RNF130: variants seen among roughly 807,000 people sequenced by gnomAD.
The protein encoded by RNF130 is E3 ubiquitin-protein ligase RNF130.
In RNF130, 21 loss-of-function variants were observed where a neutral mutation model predicts 44.6. The observed-to-expected ratio is 0.47, with a 90% CI of 0.33 to 0.68. The LOEUF (loss-of-function observed/expected upper bound fraction) is 0.68, where lower values mean the gene tolerates loss of function less well. RNF130 is among the 30% of genes least tolerant of loss of function. The probability of loss-of-function intolerance (pLI) is 0.02; values close to 1 mark genes in which losing one functional copy is unlikely to be tolerated. For synonymous variants in RNF130, 214 were observed against 210.4 expected (o/e 1.02, Z -0.15); for missense variants, 479 against 560.6 (o/e 0.85, Z 1.47).
At chr5:179,934,122 A>G in intron 7 of RNF130, 1 of 248,980 alleles carries the variant, frequency 4.0e-6, no homozygotes, top group Non-Finnish European at 7.9e-6. Flanking sequence ...GCCTAATAAG[A>G]ACCTGGTGTT....
chr5:179,992,402 A>G (rs1169122046), intron 3 of RNF130, among the ~76,000 whole-genome samples: 1 of 152,196 alleles, frequency 6.6e-6, no homozygotes, highest in African/African-American at 2.4e-5. Context: ...TCATCCTCCC[A>G]AAGTGCTGGG....
intron 5 of RNF130, among the ~76,000 whole-genome samples, chr5:179,973,451 G>A (rs180895033): frequency 6.6e-5 from 10 of 152,292 alleles, no homozygotes; most frequent in East Asian, 1.9e-4. Context: ...TCTGGTGCTC[G>A]GCAAACCACC....
In RNF130 at chr5:179,978,148, A is replaced by G. The variant is rs1762758194; in HGVS notation, c.848+55T>C. 8 of 1,416,060 alleles carry G rather than the reference A, an allele frequency of 5.6e-6. No homozygotes were observed. The East Asian group carries it at 1.8e-4, about 32-fold the overall frequency. The allele number at this position is 1,416,060 out of a possible 1,614,324, so 87.7% of individuals were successfully genotyped here. On this transcript the variant is annotated intron_variant, in intron 5 of 8. Transcript: ENST00000521389. ...AAGGGAGATGCCCACCCTGAAAAGG[A>G]GGCATACAAAGCACATTAATATCAT...
intron 3 of RNF130, among the ~76,000 whole-genome samples, chr5:179,987,732 T>A (rs1314085625): frequency 6.6e-6 from 1 of 152,274 alleles, no homozygotes; most frequent in African/African-American, 2.4e-5. Flanking sequence ...ATCTGGTATT[T>A]GTTGTTCCTT....
intron 1 of RNF130, among the ~76,000 whole-genome samples, chr5:180,067,609 T>C (rs1390489204): frequency 1.3e-5 from 2 of 152,234 alleles, no homozygotes; most frequent in Non-Finnish European, 2.9e-5. Flanking sequence ...TAAAAACATG[T>C]CATAAGCTGT....
chr5:180,044,276 G>A (rs1302406711), intron 1 of RNF130, among the ~76,000 whole-genome samples: 1 of 152,030 alleles, frequency 6.6e-6, no homozygotes, highest in East Asian at 1.9e-4. Context: ...ATAGAGCCAG[G>A]AAAAACTTAC....
chr5:180,059,183 A>G (rs1487815449), intron 1 of RNF130, among the ~76,000 whole-genome samples: 4 of 152,106 alleles, frequency 2.6e-5, no homozygotes, highest in African/African-American at 9.7e-5. Context: ...GTCTTCGTGT[A>G]TATTTCCTTG....
chr5:180,001,737 G>C (rs1434429218), intron 3 of RNF130, among the ~76,000 whole-genome samples: 1 of 152,206 alleles, frequency 6.6e-6, no homozygotes, highest in Non-Finnish European at 1.5e-5. Context: ...AAGTATCCTA[G>C]CTTAGGGGAG....
intron 7 of RNF130, among the ~76,000 whole-genome samples, chr5:179,935,599 C>T (rs1404512131): frequency 3.3e-5 from 5 of 151,898 alleles, no homozygotes; most frequent in African/African-American, 1.2e-4. Flanking sequence ...CATGTTGGGA[C>T]TTAAATCCAT....
At chr5:179,934,723 T>A (rs1761864789) in intron 7 of RNF130, among the ~76,000 whole-genome samples, 1 of 152,078 alleles carries the variant, frequency 6.6e-6, no homozygotes, top group East Asian at 1.9e-4. Flanking sequence ...ATTTTTATTC[T>A]TGTAGAGATT....
intron 3 of RNF130, among the ~76,000 whole-genome samples, chr5:179,997,800 A>G (rs920306988): frequency 4.0e-5 from 6 of 150,588 alleles, no homozygotes; most frequent in Admixed American, 4.0e-4. Flanking sequence ...CCTGATTTGA[A>G]CTTCATTATT....
In RNF130 at chr5:179,966,948, A is replaced by T. The variant is rs1025564814; in HGVS notation, c.1008T>A (p.Ala336=). 6.2e-7 allele frequency: 1 copy of T among 1,614,124 alleles called. No individual in the cohort carries two copies. The highest frequency in any genetic ancestry group is 1.3e-5 in the African/African-American group (1 of 74,944). The change falls in exon 7 of 9, where the codon GCT becomes GCA. Residue 336 remains alanine, a synonymous_variant. Transcript: ENST00000521389. ...FDMERLTRTQ[A]VNRRSALGDL... is the part of the protein sequence containing the mutation. ...CGCCGAGGGCTGATCTTCGGTTAAC[A>T]GCTTGGGTTCTGGTGAGCCTTTCCA...
At chr5:180,018,203 A>G (rs150632308) in intron 2 of RNF130, among the ~76,000 whole-genome samples, 126 of 152,012 alleles carry the variant, frequency 8.3e-4, no homozygotes, top group African/African-American at 3.0e-3. Context: ...GCTGAGGCAG[A>G]AGAATTGCTT....
At chr5:180,071,413 G>A (rs952334956) in intron 1 of RNF130, 43 bp downstream of exon 1, 1 of 1,230,640 alleles carries the variant, frequency 8.1e-7, no homozygotes, top group African/African-American at 1.6e-5. Flanking sequence ...CGCCTACGCG[G>A]GATGCAGCGA....
chr5:179,933,573 G>C (rs576564425), intron 7 of RNF130, among the ~76,000 whole-genome samples: 1 of 150,206 alleles, frequency 6.7e-6, no homozygotes, highest in Non-Finnish European at 1.5e-5. Flanking sequence ...CCAGGCTGGA[G>C]TGCAGTGGTG....
At chr5:180,064,303 T>C (rs1047932781) in intron 1 of RNF130, among the ~76,000 whole-genome samples, 2 of 152,160 alleles carry the variant, frequency 1.3e-5, no homozygotes, top group African/African-American at 4.8e-5. Flanking sequence ...AGGGAGCAGA[T>C]TCATTTGCAG....
At chr5:180,003,356 C>A (rs1286407502) in intron 3 of RNF130, among the ~76,000 whole-genome samples, 1 of 152,170 alleles carries the variant, frequency 6.6e-6, no homozygotes, top group African/African-American at 2.4e-5. Context: ...CAGTCTTCAG[C>A]AAGCTGACGT....
chr5:180,048,578 C>T (rs891508929), intron 1 of RNF130, among the ~76,000 whole-genome samples: 1 of 152,104 alleles, frequency 6.6e-6, no homozygotes, highest in Non-Finnish European at 1.5e-5. Context: ...TTGAAAGCTA[C>T]AGTGAACTGG....
At chr5:180,029,681 A>G (rs1764078176) in intron 2 of RNF130, among the ~76,000 whole-genome samples, 1 of 152,186 alleles carries the variant, frequency 6.6e-6, no homozygotes, top group Admixed American at 6.5e-5. Flanking sequence ...CTGGGACTAC[A>G]GGTGAGTGCT....
Sources: gnomAD v4.1 joint callset for allele counts (sites outside exome capture counted in the v4.1 genomes callset) on GRCh38, gnomAD v4.1.1 for gene constraint, MANE v1.5 for transcripts, NCBI Gene and HGNC (gene_info 2026-07-23, HGNC 2026-07-21) for gene names.